Variants in TRAF3 observed in about 807,000 individuals in gnomAD.
TRAF3 encodes the protein TNF receptor associated factor 3.
Under a neutral mutation model 62.3 loss-of-function variants are expected in TRAF3, and 13 were observed. The observed-to-expected ratio is 0.21, with a 90% CI of 0.14 to 0.33. TRAF3 has a LOEUF of 0.33. TRAF3 is among the 10% of genes least tolerant of loss of function. The pLI, the probability that TRAF3 is intolerant of heterozygous loss-of-function variation, is 1.00. For synonymous variants in TRAF3, 269 were observed against 283.4 expected (o/e 0.95, Z 0.51); for missense variants, 440 against 741.8 (o/e 0.59, Z 4.73).
intron 1 of TRAF3, among the ~76,000 whole-genome samples, chr14:102,829,791 C>T (rs1900553945): frequency 6.6e-6 from 1 of 152,064 alleles, no homozygotes; most frequent in Non-Finnish European, 1.5e-5. Context: ...AAACGAGGGC[C>T]TATTGTCTTC....
At chr14:102,801,222 C>T (rs1380891911) in intron 1 of TRAF3, among the ~76,000 whole-genome samples, 1 of 152,188 alleles carries the variant, frequency 6.6e-6, no homozygotes, top group African/African-American at 2.4e-5. Flanking sequence ...GATCCTCCCA[C>T]CTCGGCCTCC....
rs1890799838 is a variant in TRAF3, at chr14:102,910,323, G to T, written c.*4539G>T. ...AGGAGAGCTAGGGAGAGTGGGGGAA[G>T]CCCCCTTGCTTTTGTATCTGTGAGG... On this transcript the variant is annotated 3_prime_UTR_variant, in exon 12 of 12. Transcript: ENST00000392745. 6.6e-6 allele frequency: 1 copy of T among 152,254 alleles called. No individual in the cohort carries two copies. The highest frequency in any genetic ancestry group is 6.5e-5 in the Admixed American group (1 of 15,288). 9.4% of individuals were successfully genotyped at this position (152,254 alleles called of 1,614,324 possible).
intron 10 of TRAF3, among the ~76,000 whole-genome samples, chr14:102,901,424 C>T (rs893563737): frequency 3.3e-5 from 5 of 152,178 alleles, no homozygotes; most frequent in South Asian, 2.1e-4. Flanking sequence ...CTGCCACTCG[C>T]GAGCACCCCT....
At chr14:102,794,871 G>T (rs1385269993) in intron 1 of TRAF3, among the ~76,000 whole-genome samples, 1 of 152,064 alleles carries the variant, frequency 6.6e-6, no homozygotes, top group Admixed American at 6.5e-5. Flanking sequence ...AGCCATCCTT[G>T]ATCATGTGTT....
At chr14:102,867,801 T>C (rs1888091932) in intron 2 of TRAF3, among the ~76,000 whole-genome samples, 1 of 152,232 alleles carries the variant, frequency 6.6e-6, no homozygotes, top group East Asian at 1.9e-4. Context: ...ATAATACATA[T>C]ACTTTAACAT....
chr14:102,782,842 A>G (rs1595274823), intron 1 of TRAF3, among the ~76,000 whole-genome samples: 1 of 152,138 alleles, frequency 6.6e-6, no homozygotes, highest in South Asian at 2.1e-4. Flanking sequence ...GCAGAACCCA[A>G]AAGCGTATTT....
intron 9 of TRAF3, among the ~76,000 whole-genome samples, chr14:102,896,108 C>T (rs550482066): frequency 6.6e-6 from 1 of 152,286 alleles, no homozygotes; most frequent in Admixed American, 6.5e-5. Flanking sequence ...TATATACACA[C>T]ACACATTGCG....
intron 2 of TRAF3, among the ~76,000 whole-genome samples, chr14:102,841,464 C>T (rs955858446): frequency 2.0e-5 from 3 of 152,186 alleles, no homozygotes; most frequent in Admixed American, 6.5e-5. Flanking sequence ...GAAGGGTTGC[C>T]TTTTCATCTT....
chr14:102,880,418 A>C (rs1392120881), intron 6 of TRAF3, among the ~76,000 whole-genome samples: 1 of 152,204 alleles, frequency 6.6e-6, no homozygotes, highest in Non-Finnish European at 1.5e-5. Context: ...TTGCCATCTC[A>C]TGCCAGTCAG....
rs74082933 is a variant in TRAF3 at position 102,867,764 on chromosome 14, C to G, written c.-17-2421C>G. Among the ~76,000 whole-genome samples the G allele has an allele frequency of 6.8e-3, 1,029 of 152,262 alleles. 15 individuals are homozygous for G. Among genetic ancestry groups the G allele is most frequent in the African/African-American group, 0.023 (974 of 41,540 alleles). ...AAGATTAGTGAGCATCATAATGGACCGGCAAGTTTGTAAGCAAATGACATC... is the reference window on the plus strand; with the variant it reads ...AAGATTAGTGAGCATCATAATGGACGGGCAAGTTTGTAAGCAAATGACATC... On this transcript the variant is annotated intron_variant, in intron 2 of 11. Coordinates refer to ENST00000392745, the MANE Select transcript of TRAF3 (RefSeq NM_145725.3).
chr14:102,817,300 C>G (rs939935970), intron 1 of TRAF3, among the ~76,000 whole-genome samples: 6 of 152,042 alleles, frequency 3.9e-5, no homozygotes, highest in Non-Finnish European at 8.8e-5. Flanking sequence ...GGGACTTGGA[C>G]AAGACTGGTG....
intron 1 of TRAF3, among the ~76,000 whole-genome samples, chr14:102,778,395 A>G (rs1401749962): frequency 3.9e-5 from 6 of 152,294 alleles, no homozygotes; most frequent in African/African-American, 1.4e-4. Flanking sequence ...CGAGGAGATA[A>G]TTCTGTGTGG....
intron 1 of TRAF3, among the ~76,000 whole-genome samples, chr14:102,784,060 C>A (rs1897374479): frequency 6.6e-6 from 1 of 152,100 alleles, no homozygotes; most frequent in Non-Finnish European, 1.5e-5. Flanking sequence ...TAGTTGAGGT[C>A]TCTTATTTTA....
intron 2 of TRAF3, among the ~76,000 whole-genome samples, chr14:102,832,579 C>T (rs1244473842): frequency 6.6e-6 from 1 of 152,084 alleles, no homozygotes; most frequent in Non-Finnish European, 1.5e-5. Context: ...GAGGCTGAGG[C>T]AGAATTGCTT....
chr14:102,861,808 A>G (rs1414749928), intron 2 of TRAF3, among the ~76,000 whole-genome samples: 2 of 152,212 alleles, frequency 1.3e-5, no homozygotes, highest in African/African-American at 4.8e-5. Flanking sequence ...TTGATATTGG[A>G]CATCTTTTTA....
At chr14:102,875,549 T>G in intron 4 of TRAF3, 75 bp from the exon 5 acceptor site, 1 of 1,332,468 alleles carries the variant, frequency 7.5e-7, no homozygotes, top group Non-Finnish European at 1.1e-6. Flanking sequence ...TTAAGTGGTT[T>G]TGCCTTGTCC....
chr14:102,833,148 T>A (rs1885752373), intron 2 of TRAF3, among the ~76,000 whole-genome samples: 3 of 152,204 alleles, frequency 2.0e-5, no homozygotes, highest in Admixed American at 2.0e-4. Context: ...TCTTCTTGCC[T>A]GTGGACTGTC....
At chr14:102,874,894 C>T (rs912201002) in intron 4 of TRAF3, among the ~76,000 whole-genome samples, 1 of 152,044 alleles carries the variant, frequency 6.6e-6, no homozygotes, top group Non-Finnish European at 1.5e-5. Flanking sequence ...TGGACTCAAG[C>T]AATCCTCCTG....
chr14:102,806,732 G>A (rs1898795257), intron 1 of TRAF3, among the ~76,000 whole-genome samples: 1 of 152,104 alleles, frequency 6.6e-6, no homozygotes, highest in Admixed American at 6.5e-5. Flanking sequence ...GAATAGAGGG[G>A]GCCTGGCAGG....
Sources: gnomAD v4.1 joint callset for allele counts (sites outside exome capture counted in the v4.1 genomes callset) on GRCh38, gnomAD v4.1.1 for gene constraint, MANE v1.5 for transcripts, NCBI Gene and HGNC (gene_info 2026-07-23, HGNC 2026-07-21) for gene names.